MGAM2: variants seen among roughly 807,000 people sequenced by gnomAD.
The protein encoded by MGAM2 is probable maltase-glucoamylase 2.
MGAM2 carries 98 observed loss-of-function variants against 96.1 expected under a neutral mutation model. The ratio of observed to expected loss-of-function variants is 1.02; its 90% CI spans 0.87 to 1.21. The LOEUF (loss-of-function observed/expected upper bound fraction) is 1.21, where lower values mean the gene tolerates loss of function less well. Among genes scored for constraint, MGAM2 ranks in the 50% most tolerant of loss-of-function variants. The probability of loss-of-function intolerance (pLI) is 0.00; values close to 1 mark genes in which losing one functional copy is unlikely to be tolerated. For synonymous variants in MGAM2, 749 were observed against 414.8 expected, an observed-to-expected ratio of 1.81 and a Z score of -9.79; for missense variants, 2,055 against 1,182.4, an observed-to-expected ratio of 1.74 and a Z score of -10.82.
intron 46 of MGAM2, among the ~76,000 whole-genome samples, chr7:142,215,610 A>G (rs1336130770): frequency 2.6e-5 from 4 of 151,786 alleles, no homozygotes; most frequent in African/African-American, 9.7e-5. Flanking sequence ...CAAAATCCAA[A>G]AATTAGGCGT....
intron 1 of MGAM2, among the ~76,000 whole-genome samples, chr7:142,115,160 T>A (rs1473199054): frequency 1.3e-5 from 2 of 152,046 alleles, no homozygotes; most frequent in Non-Finnish European, 2.9e-5. Flanking sequence ...GAGGTTGCAG[T>A]GAGTTGAGAT....
In MGAM2 at chr7:142,185,091, G is replaced by C. The variant is rs767284545; in HGVS notation, c.3939G>C (p.Leu1313=). 10 of 702,920 alleles carry C rather than the reference G, an allele frequency of 1.4e-5. No homozygotes were observed. Among genetic ancestry groups the C allele is most frequent in the South Asian group, 1.2e-4 (8 of 67,576 alleles). 43.5% of individuals were successfully genotyped at this position (702,920 alleles called of 1,614,324 possible). ...DIVWGKVWPD[L]PNVIVDGSLD... ...TTTTTCTCTAGGTTTGGCCAGATCT[G>C]CCTAATGTAATTGTAGATGGATCCC... is the stretch of plus-strand genomic sequence containing the variant. The change falls in exon 34 of 48, where the codon CTG becomes CTC. Residue 1313 remains leucine (L), a synonymous_variant. Coordinates refer to ENST00000477922, the MANE Select transcript of MGAM2 (RefSeq NM_001293626.2).
At chr7:142,144,698 A>G (rs1795333086) in intron 13 of MGAM2, among the ~76,000 whole-genome samples, 163 bp from the exon 14 acceptor site, 2 of 152,248 alleles carry the variant, frequency 1.3e-5, no homozygotes, top group Non-Finnish European at 2.9e-5. Context: ...CAATTTTATA[A>G]AAGATGAAAC....
chr7:142,174,001 T>G (rs1796285743), intron 31 of MGAM2, among the ~76,000 whole-genome samples: 1 of 152,184 alleles, frequency 6.6e-6, no homozygotes, highest in Non-Finnish European at 1.5e-5. Flanking sequence ...GTGTATGGTC[T>G]TGTTTCTGGG....
intron 4 of MGAM2, 32 bp downstream of exon 4, chr7:142,131,103 C>A (rs1157647878): frequency 1.7e-5 from 12 of 697,894 alleles, no homozygotes; most frequent in Non-Finnish European, 3.1e-5. Context: ...CGCCTGGGAA[C>A]AACTCCTTAT....
At chr7:142,152,489 G>A (rs561830232) in intron 15 of MGAM2, among the ~76,000 whole-genome samples, 74 of 152,102 alleles carry the variant, frequency 4.9e-4, no homozygotes, top group Non-Finnish European at 8.2e-4. Flanking sequence ...GCAGTTTTCC[G>A]TTTCAAAATT....
rs1361658531 is a variant in MGAM2 at position 142,164,845 on chromosome 7, T to C, written c.2485-11T>C. On this transcript the variant is annotated splice_polypyrimidine_tract_variant and intron_variant, in intron 23 of 47. Transcript: ENST00000477922. ...CCTGGTTTCCAATCTGACTTTTTTTTCCCCTCCCAGAACCATCTACAAGCA... is the reference window on the plus strand; with the variant it reads ...CCTGGTTTCCAATCTGACTTTTTTTCCCCCTCCCAGAACCATCTACAAGCA... 3.0e-6 allele frequency: 2 copies of C among 676,172 alleles called. No individual in the cohort carries two copies. Among genetic ancestry groups the C allele is most frequent in the Admixed American group, 2.2e-5 (1 of 44,898 alleles). The allele number at this position is 676,172 out of a possible 1,614,324, so 41.9% of individuals were successfully genotyped here. A position where few individuals can be genotyped will look rare whatever the true frequency, so the allele number is the denominator to read the frequency against.
intron 46 of MGAM2, among the ~76,000 whole-genome samples, chr7:142,216,751 C>A (rs1202885314): frequency 2.6e-5 from 4 of 152,154 alleles, no homozygotes; most frequent in African/African-American, 9.7e-5. Flanking sequence ...TCTGCCTGCC[C>A]AGTAGCAAAA....
In MGAM2 at chr7:142,115,238, T is replaced by A. The variant is rs113915535; in HGVS notation, c.1-1636T>A. On this transcript the variant is annotated intron_variant, in intron 1 of 47. Transcript: ENST00000477922. ...TAAAATAAAATAAAAATAAAATTAC[T>A]GCTGCGAAAAGTGAGAGGCACTGTC... Among the ~76,000 whole-genome samples, 688 of 152,316 alleles carry A rather than the reference T, an allele frequency of 4.5e-3. 13 individuals are homozygous for A. Among genetic ancestry groups the A allele is most frequent in the African/African-American group, 0.015 (607 of 41,572 alleles).
intron 46 of MGAM2, among the ~76,000 whole-genome samples, chr7:142,210,939 C>T (rs1797563703): frequency 6.6e-6 from 1 of 152,216 alleles, no homozygotes; most frequent in South Asian, 2.1e-4. Flanking sequence ...TACAGGAGAG[C>T]TCCAGCTGGA....
intron 32 of MGAM2, among the ~76,000 whole-genome samples, chr7:142,178,398 T>G (rs1306213800): frequency 6.6e-6 from 1 of 152,214 alleles, no homozygotes; most frequent in African/African-American, 2.4e-5. Context: ...TCATTGCAAT[T>G]GCTTTTGAGG....
chr7:142,217,706 T>C (rs59453202), intron 46 of MGAM2, among the ~76,000 whole-genome samples: 1 of 152,056 alleles, frequency 6.6e-6, no homozygotes, highest in Non-Finnish European at 1.5e-5. Flanking sequence ...TTTGCTAACA[T>C]ACTAGGGTGA....
At chr7:142,117,940 T>C (rs28526387) in intron 2 of MGAM2, among the ~76,000 whole-genome samples, 25,336 of 151,440 alleles carry the variant, frequency 0.17, 2,467 homozygotes, top group East Asian at 0.36. Flanking sequence ...TGTTTTTTTT[T>C]CTTCTGTTTT....
chr7:142,149,592 G>C (rs905537467), intron 15 of MGAM2, among the ~76,000 whole-genome samples: 3 of 152,066 alleles, frequency 2.0e-5, no homozygotes, highest in Admixed American at 6.5e-5. Flanking sequence ...CCAGGCTGGA[G>C]TGCAGTGGTG....
At chr7:142,195,343 C>CTT in intron 37 of MGAM2, among the ~76,000 whole-genome samples, 1 of 96,462 alleles carries the variant, frequency 1.0e-5, no homozygotes, top group African/African-American at 3.6e-5. Flanking sequence ...CTCCTTTTTA[C>CTT]TCTTTTTTTT....
chr7:142,182,893 C>T (rs1035072084), intron 32 of MGAM2, among the ~76,000 whole-genome samples: 3 of 152,144 alleles, frequency 2.0e-5, no homozygotes, highest in East Asian at 3.9e-4. Context: ...GCTTCCCAGC[C>T]GCATCTAGCT....
intron 42 of MGAM2, 101 bp from the exon 43 acceptor site, chr7:142,198,038 T>C (rs985735199): frequency 7.8e-6 from 5 of 643,198 alleles, no homozygotes; most frequent in African/African-American, 3.6e-5. Context: ...CAATCACTAA[T>C]ACAATTTTCA....
chr7:142,179,732 A>T (rs1445970735), intron 32 of MGAM2, among the ~76,000 whole-genome samples: 1 of 152,132 alleles, frequency 6.6e-6, no homozygotes, highest in Admixed American at 6.5e-5. Flanking sequence ...ATGGTCAGTT[A>T]ACTTTTTGAT....
chr7:142,130,398 G>A (rs1794850745), intron 3 of MGAM2, among the ~76,000 whole-genome samples: 1 of 152,214 alleles, frequency 6.6e-6, no homozygotes, highest in Non-Finnish European at 1.5e-5. Context: ...AAAATACTAT[G>A]TGATTTCCAG....
Sources: gnomAD v4.1 joint callset for allele counts (sites outside exome capture counted in the v4.1 genomes callset) on GRCh38, gnomAD v4.1.1 for gene constraint, MANE v1.5 for transcripts, NCBI Gene and HGNC (gene_info 2026-07-23, HGNC 2026-07-21) for gene names.